Variants in CIITA observed in about 807,000 individuals in gnomAD.
The protein encoded by CIITA is MHC class II transactivator.
In CIITA, 72 loss-of-function variants were observed where a neutral mutation model predicts 115.1. The ratio of observed to expected loss-of-function variants is 0.63; its 90% CI spans 0.52 to 0.76. The LOEUF (loss-of-function observed/expected upper bound fraction) is 0.76, where lower values mean the gene tolerates loss of function less well. Among genes scored for constraint, CIITA ranks in the 30% least tolerant of loss-of-function variants. CIITA has a pLI of 0.00. For synonymous variants in CIITA, 763 were observed against 635.6 expected, an observed-to-expected ratio of 1.20 and a Z score of -3.02; for missense variants, 1,617 against 1,463.8, an observed-to-expected ratio of 1.10 and a Z score of -1.71.
intron 12 of CIITA, 147 bp downstream of exon 12, chr16:10,909,334 G>A: frequency 2.3e-6 from 2 of 874,956 alleles, no homozygotes; most frequent in South Asian, 1.4e-5. Context: ...GCTAACCAGA[G>A]TCTCTCACTG....
chr16:10,877,085 C>T, upstream of CIITA: 1 of 604,634 alleles, frequency 1.7e-6, no homozygotes, highest in South Asian at 2.0e-5. Context: ...AGAGGGTGTT[C>T]AGAAACAGAA....
chr16:10,888,716 A>G (rs1244351990), intron 1 of CIITA: 1 of 152,258 alleles, frequency 6.6e-6, no homozygotes, highest in Admixed American at 6.5e-5. Flanking sequence ...ACCTTCTAAA[A>G]ATACTGCCCA....
rs1184832566 is a variant in CIITA at position 10,942,874 on chromosome 16, C to G, written n.2000C>G. On this transcript the variant is annotated non_coding_transcript_exon_variant, in exon 2 of 2. Transcript: ENST00000573379. The surrounding 1 kb of genome is among the most constrained non-coding windows in gnomAD (Gnocchi z 5.0). ...GAAATTTTGGACATTCCCAAAGCGC[C>G]AATTTTCATGGTGGAGATCCACCAG... 6.6e-6 allele frequency: 1 copy of G among 152,192 alleles called. No individual in the cohort carries two copies. 9.4% of individuals were successfully genotyped at this position (152,192 alleles called of 1,614,324 possible).
Position 10,907,688 on chromosome 16 carries a change from G to T in CIITA, c.2196G>T (p.Glu732Asp). Reference protein sequence around the residue: ...LALSGEIKDKELPQYLALTPR... With the variant: ...LALSGEIKDKDLPQYLALTPR... ...TGAGTGGCGAAATCAAGGACAAGGAGCTCCCGCAGTACCTAGCATTGACCC... is the reference window on the plus strand; with the variant it reads ...TGAGTGGCGAAATCAAGGACAAGGATCTCCCGCAGTACCTAGCATTGACCC... The change falls in exon 11 of 20, where the codon GAG becomes GAT. Residue 732 changes from glutamate to aspartate, a missense_variant. By Grantham distance (45) the Glu-to-Asp change is conservative (BLOSUM62 2). Coordinates refer to ENST00000324288, the MANE Select transcript of CIITA (RefSeq NM_000246.4). This position sits in a 1 kb window ranked among gnomAD's most constrained non-coding sequence, Gnocchi z 5.0. 1 of 1,614,222 alleles carries T rather than the reference G, an allele frequency of 6.2e-7. No homozygotes were observed. Among genetic ancestry groups the T allele is most frequent in the Non-Finnish European group, 8.5e-7 (1 of 1,180,032 alleles).
rs927747867 is a variant in CIITA, at chr16:10,920,410, G to A, written c.3150-1757G>A. Among the ~76,000 whole-genome samples, 5 of 152,124 alleles carry A rather than the reference G, an allele frequency of 3.3e-5. No individual in the cohort carries two copies. The highest frequency in any genetic ancestry group is 3.3e-4 in the Admixed American group (5 of 15,278). ...TTACAGATGCCCGCCACCACACCAGGCTATTTTTGTGTTTTCAGTAGAGAC... is the reference window on the plus strand; with the variant it reads ...TTACAGATGCCCGCCACCACACCAGACTATTTTTGTGTTTTCAGTAGAGAC... On this transcript the variant is annotated intron_variant, in intron 16 of 19. Transcript: ENST00000324288. The surrounding 1 kb of genome is among the most constrained non-coding windows in gnomAD (Gnocchi z 4.5).
At chr16:10,893,257 A>T (rs2037776836) in intron 1 of CIITA, among the ~76,000 whole-genome samples, 1 of 152,162 alleles carries the variant, frequency 6.6e-6, no homozygotes, top group African/African-American at 2.4e-5. Context: ...GTTCTGAGCT[A>T]CCTGGATGCT....
At position 10,924,610 on chromosome 16, in the gene CIITA, T is replaced by C. The variant is rs1816561289; in HGVS notation, c.*755T>C. 2.0e-5 allele frequency: 3 copies of C among 152,354 alleles called. 1 individual carries two copies. The South Asian group carries it at 6.2e-4, about 32-fold the overall frequency. 9.4% of individuals were successfully genotyped at this position (152,354 alleles called of 1,614,324 possible). ...ACACCGGGCACTCAGAAGACACTGA[T>C]GGGCAACCCCCAGCCTGCTAATTCC... On this transcript the variant is annotated 3_prime_UTR_variant, in exon 20 of 20. Coordinates refer to ENST00000324288, the MANE Select transcript of CIITA (RefSeq NM_000246.4).
At chr16:10,894,651 T>C (rs1349537757) in intron 1 of CIITA, among the ~76,000 whole-genome samples, 1 of 152,136 alleles carries the variant, frequency 6.6e-6, no homozygotes, top group Non-Finnish European at 1.5e-5. Flanking sequence ...GATGAGGAAA[T>C]CTTAGAATCT....
chr16:10,910,548 C>G (rs2039489712), intron 13 of CIITA, among the ~76,000 whole-genome samples: 1 of 152,260 alleles, frequency 6.6e-6, no homozygotes, highest in Admixed American at 6.5e-5. Context: ...TCCTCATGAG[C>G]TGACAGTCTA....
chr16:10,872,256 A>T (rs2035536543), upstream of CIITA, among the ~76,000 whole-genome samples: 1 of 151,872 alleles, frequency 6.6e-6, no homozygotes. Context: ...CCGAGTAGCT[A>T]GGATTACAGG....
At chr16:10,913,887 GCTGAGATCACGCCA>G (rs1226695397) in intron 13 of CIITA, among the ~76,000 whole-genome samples, 1 of 151,746 alleles carries the variant, frequency 6.6e-6, no homozygotes, top group African/African-American at 2.4e-5. Flanking sequence ...GTTGCGGTGA[GCTGAGATCACGCCA>G]CTGCAGTCCA....
rs1303929452 is a variant in CIITA, at chr16:10,935,353, T to C, written c.*11498T>C. On this transcript the variant is annotated 3_prime_UTR_variant, in exon 20 of 20. Transcript: ENST00000324288. Reference sequence around the variant, plus strand: ...TTGGTGCTGGTATATCTTATGTTTATCACCCGACAGTTGTTAATCTCTTTT... The same window carrying C: ...TTGGTGCTGGTATATCTTATGTTTACCACCCGACAGTTGTTAATCTCTTTT... 6.6e-6 allele frequency: 1 copy of C among 152,266 alleles called. No homozygotes were observed. Among genetic ancestry groups the C allele is most frequent in the Non-Finnish European group, 1.5e-5 (1 of 68,046 alleles). 9.4% of individuals were successfully genotyped at this position (152,266 alleles called of 1,614,324 possible).
In CIITA at chr16:10,918,421, C is replaced by G; in HGVS notation, c.3063-19C>G. ...TGCAAGTTTGGTCCTGAGCCCTCCCCCTCACTGTGTCCCCGCAGTCTGTCC... is the reference window on the plus strand; with the variant it reads ...TGCAAGTTTGGTCCTGAGCCCTCCCGCTCACTGTGTCCCCGCAGTCTGTCC... On this transcript the variant is annotated intron_variant, in intron 15 of 19. Transcript: ENST00000324288. The G allele has an allele frequency of 1.9e-6, 3 of 1,612,070 alleles. No individual in the cohort carries two copies. The highest frequency in any genetic ancestry group is 2.5e-6 in the Non-Finnish European group (3 of 1,178,112).
chr16:10,941,459 G>C lies in CIITA; in HGVS notation n.585G>C. 8.9e-7 allele frequency: 1 copy of C among 1,124,994 alleles called. No individual in the cohort carries two copies. The highest frequency in any genetic ancestry group is 1.2e-6 in the Non-Finnish European group (1 of 865,256). The allele number at this position is 1,124,994 out of a possible 1,614,324, so 69.7% of individuals were successfully genotyped here. ...TGGCATCCAGTTAGACCTGGAGGAG[G>C]TGAACGGAGGAGAAGCCTGAGGGAG... On this transcript the variant is annotated non_coding_transcript_exon_variant, in exon 2 of 2. Coordinates refer to the CIITA transcript ENST00000573379. The surrounding 1 kb of genome is among the most constrained non-coding windows in gnomAD (Gnocchi z 6.4).
At chr16:10,877,086 A>C (rs2035897273), upstream of CIITA, 1 of 606,186 alleles carries the variant, frequency 1.6e-6, no homozygotes, top group African/African-American at 1.8e-5. Flanking sequence ...GAGGGTGTTC[A>C]GAAACAGAAA....
At chr16:10,872,544 T>C (rs2143287703), upstream of CIITA, among the ~76,000 whole-genome samples, 1 of 152,364 alleles carries the variant, frequency 6.6e-6, no homozygotes, top group South Asian at 2.1e-4. Context: ...TCTACCTACC[T>C]AATCACCCAT....
At chr16:10,883,922 A>G (rs145174212) in intron 1 of CIITA, among the ~76,000 whole-genome samples, 39 of 152,330 alleles carry the variant, frequency 2.6e-4, no homozygotes, top group African/African-American at 9.4e-4. Flanking sequence ...CCTCCCATAC[A>G]GGCATAGCCT....
chr16:10,908,267 G>A, intron 11 of CIITA, 118 bp downstream of exon 11: 4 of 1,230,842 alleles, frequency 3.2e-6, no homozygotes, highest in Middle Eastern at 1.9e-4. Flanking sequence ...GGGTGGGGCA[G>A]AATGGATTCT....
chr16:10,936,754 G>C (rs1193093563), downstream of CIITA: 2 of 152,210 alleles, frequency 1.3e-5, no homozygotes, highest in Admixed American at 6.5e-5. Flanking sequence ...TGTGGCCAGG[G>C]AACCGGGCTG....
Sources: gnomAD v4.1 joint callset for allele counts (sites outside exome capture counted in the v4.1 genomes callset) on GRCh38, gnomAD v4.1.1 for gene constraint, Gnocchi (gnomAD v3.1) non-coding constraint, MANE v1.5 for transcripts, NCBI Gene and HGNC (gene_info 2026-07-23, HGNC 2026-07-21) for gene names.